The following PGBD2 variants were observed in gnomAD, a reference collection of about 807,000 sequenced individuals.
PGBD2 encodes the protein piggyBac transposable element derived 2.
Under a neutral mutation model 8.1 loss-of-function variants are expected in PGBD2, and 6 were observed. That is an observed-to-expected ratio of 0.74 (90% CI 0.40 to 1.46). PGBD2 has a LOEUF of 1.46. Among genes scored for constraint, PGBD2 ranks in the 40% most tolerant of loss-of-function variants. The pLI is 0.02. For missense variants in PGBD2, 802 were observed against 739.0 expected, an observed-to-expected ratio of 1.09 and a Z score of -0.99; for synonymous variants, 318 against 272.2, an observed-to-expected ratio of 1.17 and a Z score of -1.66.
rs760032890 is a variant in PGBD2, at chr1:248,917,447, A to C, written c.863A>C (p.Lys288Thr). The C allele has an allele frequency of 6.2e-7, 1 of 1,614,048 alleles. No homozygotes were observed. Among genetic ancestry groups the C allele is most frequent in the South Asian group, 1.1e-5 (1 of 91,076 alleles). The change falls in exon 3 of 3, where the codon AAG becomes ACG. Residue 288 changes from lysine (K) to threonine (T), a missense_variant. Coordinates refer to ENST00000329291, the MANE Select transcript of PGBD2 (RefSeq NM_170725.3). Reference sequence around the variant, plus strand: ...GGGTCCAAGCAGCTGCACAGGGGGAAGCCTGTGCGACTTGGCTACAAGATT... The same window carrying C: ...GGGTCCAAGCAGCTGCACAGGGGGACGCCTGTGCGACTTGGCTACAAGATT... ...HRGSKQLHRGKPVRLGYKIWC... is the reference protein window; with the variant it reads ...HRGSKQLHRGTPVRLGYKIWC...
In PGBD2 at chr1:248,914,603, G is replaced by T. The variant is rs1366856550; in HGVS notation, c.17+724G>T. On this transcript the variant is annotated intron_variant, in intron 2 of 2. Transcript: ENST00000329291. ...TCTGTGGTAAATCCTGCATCCTTCT[G>T]TTGGGATGGAGGGTCCTCACGTAGA... The T allele has an allele frequency of 7.8e-6, 10 of 1,288,380 alleles. No homozygotes were observed. The African/African-American group carries it at 1.5e-4, about 20-fold the overall frequency. 79.8% of individuals were successfully genotyped at this position (1,288,380 alleles called of 1,614,324 possible). A position where few individuals can be genotyped will look rare whatever the true frequency, so the allele number is the denominator to read the frequency against.
the PGBD2 span, among the ~76,000 whole-genome samples, chr1:248,885,095 C>T: frequency 1.3e-5 from 2 of 152,068 alleles, no homozygotes; most frequent in Admixed American, 1.3e-4. Context: ...CCCTTGGCCA[C>T]AAGGGGTCTC....
chr1:248,891,723 C>T, the PGBD2 span, among the ~76,000 whole-genome samples: 9 of 152,126 alleles, frequency 5.9e-5, no homozygotes, highest in Non-Finnish European at 4.4e-5. Flanking sequence ...ACTAGGGAAG[C>T]TGAAGCGGGA....
chr1:248,909,353 T>C (rs933147161), intron 1 of PGBD2, among the ~76,000 whole-genome samples: 1 of 152,228 alleles, frequency 6.6e-6, no homozygotes, highest in African/African-American at 2.4e-5. Flanking sequence ...CTGACAGGTA[T>C]TTCCTATGCG....
At chr1:248,889,122 C>A in the PGBD2 span, among the ~76,000 whole-genome samples, 3 of 152,194 alleles carry the variant, frequency 2.0e-5, no homozygotes, top group Middle Eastern at 3.2e-3. Flanking sequence ...AACTGTGGCT[C>A]ACGCCTGTAA....
chr1:248,929,822 G>C, the PGBD2 span, among the ~76,000 whole-genome samples: 2 of 152,342 alleles, frequency 1.3e-5, no homozygotes, highest in Admixed American at 1.3e-4. Flanking sequence ...AACTCTCTCA[G>C]TGTGGGTTGT....
the PGBD2 span, among the ~76,000 whole-genome samples, chr1:248,876,635 C>G: frequency 6.6e-6 from 1 of 152,046 alleles, no homozygotes; most frequent in Admixed American, 6.5e-5. Flanking sequence ...ATTCCATGAC[C>G]CACTGGATGG....
At chr1:248,905,988 C>T (rs1445964316), upstream of PGBD2, among the ~76,000 whole-genome samples, 1 of 152,190 alleles carries the variant, frequency 6.6e-6, no homozygotes, top group Non-Finnish European at 1.5e-5. Flanking sequence ...CCCATGCTCT[C>T]CTGATTAGGA....
chr1:248,917,718 G>A lies in PGBD2; in HGVS notation c.1134G>A (p.Arg378=). Reference sequence around the variant, plus strand: ...CCACAGGAACTGTTCGTGAGTACAGGACTGAGCGATGTCCCCTAAAAGACC... The same window carrying A: ...CCACAGGAACTGTTCGTGAGTACAGAACTGAGCGATGTCCCCTAAAAGACC... ...VKATGTVREY[R]TERCPLKDPK... is the part of the protein sequence containing the mutation. Residue 378 remains arginine, a synonymous_variant, in exon 3 of 3, where the codon AGG becomes AGA. Transcript: ENST00000329291. 1 of 1,614,208 alleles carries A rather than the reference G, an allele frequency of 6.2e-7. No homozygotes were observed.
downstream of PGBD2, among the ~76,000 whole-genome samples, chr1:248,920,535 G>C (rs2103120727): frequency 6.6e-6 from 1 of 152,068 alleles, no homozygotes; most frequent in East Asian, 1.9e-4. Flanking sequence ...ATTTTCTTTA[G>C]TCTATTATTG....
chr1:248,926,540 GTT>G, the PGBD2 span, among the ~76,000 whole-genome samples: 1 of 152,132 alleles, frequency 6.6e-6, no homozygotes, highest in Non-Finnish European at 1.5e-5. Context: ...TTTTGGTCTA[GTT>G]TTATCAACAG....
At chr1:248,907,067 C>T (rs571223513) in intron 1 of PGBD2, among the ~76,000 whole-genome samples, 18 of 152,148 alleles carry the variant, frequency 1.2e-4, no homozygotes, top group Non-Finnish European at 2.2e-4. Flanking sequence ...TGCACCAGCA[C>T]CGGTCTCTGA....
At chr1:248,890,965 C>A in the PGBD2 span, among the ~76,000 whole-genome samples, 1 of 151,772 alleles carries the variant, frequency 6.6e-6, no homozygotes, top group Non-Finnish European at 1.5e-5. Flanking sequence ...TCTCTACACA[C>A]CACAGACATC....
the PGBD2 span, among the ~76,000 whole-genome samples, chr1:248,894,955 T>A: frequency 6.6e-6 from 1 of 152,070 alleles, no homozygotes; most frequent in Non-Finnish European, 1.5e-5. Flanking sequence ...ATGGCCTGCA[T>A]CTGGCTATTT....
Position 248,917,450 on chromosome 1 carries a change from C to T in PGBD2, c.866C>T (p.Pro289Leu). Residue 289 changes from proline to leucine, a missense_variant, in exon 3 of 3, where the codon CCT (proline) becomes CTT (leucine). Pro to Leu is a moderately conservative substitution (Grantham distance 98, BLOSUM62 -3). Coordinates refer to ENST00000329291, the MANE Select transcript of PGBD2 (RefSeq NM_170725.3). ...TCCAAGCAGCTGCACAGGGGGAAGC[C>T]TGTGCGACTTGGCTACAAGATTTGG... ...RGSKQLHRGKPVRLGYKIWCG... is the reference protein window; with the variant it reads ...RGSKQLHRGKLVRLGYKIWCG... 1.9e-6 allele frequency: 3 copies of T among 1,614,032 alleles called. No individual in the cohort carries two copies. Among genetic ancestry groups the T allele is most frequent in the Non-Finnish European group, 2.5e-6 (3 of 1,180,016 alleles).
intron 1 of PGBD2, among the ~76,000 whole-genome samples, chr1:248,907,540 C>T (rs1473614154): frequency 2.6e-5 from 4 of 152,206 alleles, no homozygotes; most frequent in Admixed American, 1.3e-4. Context: ...TTCAGACTAT[C>T]ACATGGGGAG....
rs149578084 is a variant in PGBD2, at chr1:248,917,921, A to C, written c.1337A>C (p.Gln446Pro). The part of the protein sequence containing the change: ...RHSGAAKTRT[Q>P]VHQPSLVKLY... ...TCTGGAGCAGCTAAAACGCGGACTC[A>C]GGTCCACCAGCCATCACTGGTGAAG... is the stretch of plus-strand genomic sequence containing the variant. Residue 446 changes from glutamine to proline, a missense_variant, in exon 3 of 3, where the codon CAG becomes CCG. Transcript: ENST00000329291. The C allele has an allele frequency of 8.1e-6, 13 of 1,614,116 alleles. No individual in the cohort carries two copies. The highest frequency in any genetic ancestry group is 4.4e-5 in the South Asian group (4 of 91,094).
At position 248,916,842 on chromosome 1, in the gene PGBD2, C is replaced by T. The variant is rs537256347; in HGVS notation, c.258C>T (p.Thr86=). 2.4e-5 allele frequency: 38 copies of T among 1,614,048 alleles called. No individual in the cohort carries two copies. In the East Asian group the frequency reaches 4.2e-4, roughly 18 times the overall value. The change falls in exon 3 of 3, where the codon ACC becomes ACT. Residue 86 remains threonine, a synonymous_variant. Transcript: ENST00000329291. ...HASVLCEDSG[T]GEDNDDLELQ... is the part of the protein sequence containing the mutation. ...CAGTCCTGTGTGAGGACTCTGGCACCGGGGAGGATAATGACGACCTGGAGC... is the reference window on the plus strand; with the variant it reads ...CAGTCCTGTGTGAGGACTCTGGCACTGGGGAGGATAATGACGACCTGGAGC...
the PGBD2 span, among the ~76,000 whole-genome samples, chr1:248,925,187 C>A: frequency 6.6e-6 from 1 of 152,274 alleles, no homozygotes; most frequent in Admixed American, 6.5e-5. Flanking sequence ...GGTCAAAAAA[C>A]CAAGTGTTAC....
Sources: gnomAD v4.1 joint callset for allele counts (sites outside exome capture counted in the v4.1 genomes callset) on GRCh38, gnomAD v4.1.1 for gene constraint, MANE v1.5 for transcripts, NCBI Gene and HGNC (gene_info 2026-07-23, HGNC 2026-07-21) for gene names.